The following ALDH5A1 variants were observed in gnomAD, a reference collection of about 807,000 sequenced individuals.
ALDH5A1 encodes aldehyde dehydrogenase 5 family member A1.
Under a neutral mutation model 54.7 loss-of-function variants are expected in ALDH5A1, and 33 were observed. The observed-to-expected ratio is 0.60, with a 90% CI of 0.46 to 0.81. ALDH5A1 has a LOEUF of 0.81. Among genes scored for constraint, ALDH5A1 ranks in the 30% least tolerant of loss-of-function variants. The pLI is 0.00. For synonymous variants in ALDH5A1, 294 were observed against 292.7 expected (o/e 1.00, Z -0.05); for missense variants, 657 against 711.0 (o/e 0.92, Z 0.86).
intron 6 of ALDH5A1, among the ~76,000 whole-genome samples, chr6:24,521,657 T>G (rs953296302): frequency 6.6e-6 from 1 of 152,170 alleles, no homozygotes; most frequent in African/African-American, 2.4e-5. Flanking sequence ...TGGTTTTGTC[T>G]GAAATAAGTA....
intron 4 of ALDH5A1, among the ~76,000 whole-genome samples, chr6:24,514,392 A>G (rs1273933587): frequency 6.6e-6 from 1 of 152,166 alleles, no homozygotes; most frequent in African/African-American, 2.4e-5. Flanking sequence ...CAGGGCAGAA[A>G]TTCAGGTTTT....
At chr6:24,532,305 T>C in intron 9 of ALDH5A1, 128 bp downstream of exon 9, 2 of 941,102 alleles carry the variant, frequency 2.1e-6, no homozygotes, top group Non-Finnish European at 3.4e-6. Context: ...TTTGTTGCTT[T>C]CCAAGTGGTG....
In ALDH5A1 at chr6:24,495,295, C is replaced by A. The variant is rs920052733; in HGVS notation, c.299C>A (p.Ala100Asp). 2.6e-6 allele frequency: 4 copies of A among 1,532,482 alleles called. No individual in the cohort carries two copies. The highest frequency in any genetic ancestry group is 3.5e-6 in the Non-Finnish European group (4 of 1,146,234). The allele number at this position is 1,532,482 out of a possible 1,614,324, so 94.9% of individuals were successfully genotyped here. ...VADCGVREAR[A>D]AVRAAYEAFC... ...GACTGCGGGGTGCGAGAGGCCCGCG[C>A]CGCCGTGCGCGCTGCCTACGAGGCT... Residue 100 changes from alanine (A) to aspartate (D), a missense_variant, in exon 1 of 10, where the codon GCC becomes GAC. Coordinates refer to ENST00000357578, the MANE Select transcript of ALDH5A1 (RefSeq NM_001080.3).
chr6:24,495,450 C>T, intron 1 of ALDH5A1, 100 bp downstream of exon 1: 2 of 1,204,462 alleles, frequency 1.7e-6, no homozygotes, highest in Non-Finnish European at 2.3e-6. Flanking sequence ...TCGCCTCCCT[C>T]CTGTGCTCAG....
At chr6:24,513,309 C>A (rs1759497623) in intron 4 of ALDH5A1, among the ~76,000 whole-genome samples, 2 of 152,156 alleles carry the variant, frequency 1.3e-5, no homozygotes, top group Non-Finnish European at 2.9e-5. Flanking sequence ...AAGCAGTCCT[C>A]CCACATCAGC....
intron 1 of ALDH5A1, among the ~76,000 whole-genome samples, chr6:24,497,499 T>G (rs1227742373): frequency 2.0e-5 from 3 of 152,212 alleles, no homozygotes; most frequent in Non-Finnish European, 4.4e-5. Flanking sequence ...ATCCTCTTGC[T>G]AGCTACAGGG....
chr6:24,533,463 A>T, intron 9 of ALDH5A1, 44 bp from the exon 10 acceptor site: 1 of 1,601,454 alleles, frequency 6.2e-7, no homozygotes, highest in Non-Finnish European at 8.6e-7. Context: ...GATGTCTTTA[A>T]TGACTCTTCT....
chr6:24,498,231 A>G (rs1321677204), intron 1 of ALDH5A1, among the ~76,000 whole-genome samples: 1 of 152,172 alleles, frequency 6.6e-6, no homozygotes, highest in Non-Finnish European at 1.5e-5. Context: ...CCAAGAGAGG[A>G]TGTAAAGTAA....
rs1759547656 is a variant in ALDH5A1, at chr6:24,515,280, T to G, written c.840T>G (p.Ile280Met). 6.2e-7 allele frequency: 1 copy of G among 1,613,994 alleles called. No individual in the cohort carries two copies. The highest frequency in any genetic ancestry group is 8.5e-7 in the Non-Finnish European group (1 of 1,179,996). The change falls in exon 5 of 10, where the codon ATT becomes ATG. Residue 280 changes from isoleucine (I) to methionine (M), a missense_variant. Ile to Met is a conservative substitution (Grantham distance 10, BLOSUM62 1). This residue lies in a region of ALDH5A1 where 425 missense variants were observed against 516.4 expected (regional missense o/e 0.82). Transcript: ENST00000357578. Reference sequence around the variant, plus strand: ...GTACTGATCCTCTGGTGTCCAAAATTTCCTTTACTGGTTCAACAACTACAG... The same window carrying G: ...GTACTGATCCTCTGGTGTCCAAAATGTCCTTTACTGGTTCAACAACTACAG... ...AICTDPLVSKISFTGSTTTGK... is the reference protein window; with the variant it reads ...AICTDPLVSKMSFTGSTTTGK...
chr6:24,531,470 A>T (rs1759934556), intron 8 of ALDH5A1, among the ~76,000 whole-genome samples: 1 of 152,234 alleles, frequency 6.6e-6, no homozygotes, highest in African/African-American at 2.4e-5. Context: ...CAAGCCCTGC[A>T]GAGAGACAGC....
chr6:24,527,099 C>G (rs1245710750), intron 7 of ALDH5A1, among the ~76,000 whole-genome samples: 1 of 149,018 alleles, frequency 6.7e-6, no homozygotes, highest in Non-Finnish European at 1.5e-5. Flanking sequence ...GGGTGAGAAC[C>G]ATTTTTGGCT....
At position 24,526,295 on chromosome 6, in the gene ALDH5A1, G is replaced by A. The variant is rs1050121216; in HGVS notation, c.1174-1702G>A. Among the ~76,000 whole-genome samples the A allele has an allele frequency of 2.8e-4, 42 of 152,066 alleles. 1 individual carries two copies. The highest frequency in any genetic ancestry group is 2.8e-3 in the Admixed American group (42 of 15,266). ...AAAACCACCAGCACATAAGAGGAAA[G>A]GTCAGGAAGAACAAACAGAATAGTC... On this transcript the variant is annotated intron_variant, in intron 7 of 9. Transcript: ENST00000357578.
chr6:24,517,823 G>A (rs906418719), intron 5 of ALDH5A1, among the ~76,000 whole-genome samples: 28 of 152,240 alleles, frequency 1.8e-4, no homozygotes, highest in African/African-American at 6.8e-4. Flanking sequence ...CTGAGCTTCT[G>A]GTCCTGGGGT....
intron 7 of ALDH5A1, among the ~76,000 whole-genome samples, chr6:24,526,029 C>T (rs1443679649): frequency 1.3e-5 from 2 of 152,138 alleles, no homozygotes; most frequent in Admixed American, 1.3e-4. Flanking sequence ...GGGTAGGGCT[C>T]TCTCGACTTT....
chr6:24,529,546 G>A (rs2127390012), intron 8 of ALDH5A1, among the ~76,000 whole-genome samples: 1 of 151,272 alleles, frequency 6.6e-6, no homozygotes, highest in African/African-American at 2.4e-5. Context: ...TTTTCTCTTT[G>A]GAAACATTTA....
intron 8 of ALDH5A1, among the ~76,000 whole-genome samples, chr6:24,531,340 T>C (rs546235410): frequency 3.3e-5 from 5 of 152,166 alleles, no homozygotes; most frequent in South Asian, 4.1e-4. Context: ...ACGGAAGGCA[T>C]TGGTTGAGAA....
chr6:24,495,294 G>C lies in ALDH5A1; in HGVS notation c.298G>C (p.Ala100Pro). The C allele has an allele frequency of 6.5e-7, 1 of 1,533,114 alleles. No individual in the cohort carries two copies. The highest frequency in any genetic ancestry group is 1.2e-5 in the South Asian group (1 of 83,946). The allele number at this position is 1,533,114 out of a possible 1,614,324, so 95.0% of individuals were successfully genotyped here. A position where few individuals can be genotyped will look rare whatever the true frequency, so the allele number is the denominator to read the frequency against. Residue 100 changes from alanine to proline, a missense_variant, in exon 1 of 10, where the codon GCC (alanine) becomes CCC (proline). By Grantham distance (27) the Ala-to-Pro change is conservative. Coordinates refer to ENST00000357578, the MANE Select transcript of ALDH5A1 (RefSeq NM_001080.3). ...VADCGVREAR[A>P]AVRAAYEAFC... ...CGACTGCGGGGTGCGAGAGGCCCGC[G>C]CCGCCGTGCGCGCTGCCTACGAGGC...
At chr6:24,507,318 AT>A (rs4646839) in intron 4 of ALDH5A1, among the ~76,000 whole-genome samples, 93,919 of 150,058 alleles carry the variant, frequency 0.63, 29,488 homozygotes, top group Middle Eastern at 0.74. Context: ...CTTGGCTCAC[AT>A]TTTTTTTTTT....
At chr6:24,495,762 G>C (rs1018737219) in intron 1 of ALDH5A1, among the ~76,000 whole-genome samples, 1 of 152,212 alleles carries the variant, frequency 6.6e-6, no homozygotes, top group Admixed American at 6.5e-5. Flanking sequence ...GGGAGCCCAC[G>C]CAGGAGGCTG....
Sources: gnomAD v4.1 joint callset for allele counts (sites outside exome capture counted in the v4.1 genomes callset) on GRCh38, gnomAD v4.1.1 for gene constraint, gnomAD v4.1.1 regional missense constraint, MANE v1.5 for transcripts, NCBI Gene and HGNC (gene_info 2026-07-23, HGNC 2026-07-21) for gene names.